Variants in RBFOX1 observed in about 807,000 individuals in gnomAD.
RBFOX1 encodes the protein RNA binding fox-1 homolog 1, also known as RNA binding protein fox-1 homolog 1.
A neutral mutation model predicts 57.7 loss-of-function variants in RBFOX1; 8 were observed. The ratio of observed to expected loss-of-function variants is 0.14; its 90% CI spans 0.08 to 0.25. The LOEUF is 0.25. RBFOX1 is among the 10% of genes least tolerant of loss of function. The pLI is 1.00. For synonymous variants in RBFOX1, 326 were observed against 222.4 expected, an observed-to-expected ratio of 1.47 and a Z score of -4.15; for missense variants, 611 against 548.5, an observed-to-expected ratio of 1.11 and a Z score of -1.14.
intron 3 of RBFOX1, among the ~76,000 whole-genome samples, chr16:6,820,165 A>G (rs1419088659): frequency 2.6e-5 from 4 of 152,166 alleles, no homozygotes; most frequent in Admixed American, 2.0e-4. Context: ...CATATAAGAC[A>G]TACCTTTGCT....
chr16:7,271,837 C>G (rs973080892), intron 4 of RBFOX1, among the ~76,000 whole-genome samples: 2 of 152,000 alleles, frequency 1.3e-5, no homozygotes, highest in Admixed American at 1.3e-4. Context: ...AAAAAAATCT[C>G]AAAGCTATGG....
intron 3 of RBFOX1, among the ~76,000 whole-genome samples, chr16:5,609,388 G>A (rs1449225592): frequency 1.2e-4 from 18 of 152,184 alleles, no homozygotes. Flanking sequence ...AGACAGGAGT[G>A]GAATGTGAAT....
chr16:6,569,482 C>T (rs2097314097), intron 2 of RBFOX1, among the ~76,000 whole-genome samples: 1 of 152,196 alleles, frequency 6.6e-6, no homozygotes, highest in Non-Finnish European at 1.5e-5. Flanking sequence ...ATTGTTGCTT[C>T]CCATAGCTTA....
At chr16:7,042,232 G>C (rs1323931846) in intron 3 of RBFOX1, among the ~76,000 whole-genome samples, 1 of 152,198 alleles carries the variant, frequency 6.6e-6, no homozygotes, top group Non-Finnish European at 1.5e-5. Context: ...TCTTGTCAGG[G>C]CACAGTAGCT....
intron 2 of RBFOX1, among the ~76,000 whole-genome samples, chr16:6,317,527 G>T (rs1230944852): frequency 7.0e-6 from 1 of 143,608 alleles, no homozygotes; most frequent in African/African-American, 2.5e-5. Flanking sequence ...ACATGACTAT[G>T]ATCTGAAAAT....
chr16:6,089,720 G>A (rs2096143336), intron 1 of RBFOX1, among the ~76,000 whole-genome samples: 2 of 152,190 alleles, frequency 1.3e-5, no homozygotes, highest in Admixed American at 6.5e-5. Context: ...GCACAAACGG[G>A]TAAGTCACTG....
intron 1 of RBFOX1, among the ~76,000 whole-genome samples, chr16:5,462,307 T>G (rs886342930): frequency 6.6e-6 from 1 of 151,712 alleles, no homozygotes; most frequent in African/African-American, 2.4e-5. Flanking sequence ...TAGCTGGGAC[T>G]ACAGGGGCCC....
At chr16:6,176,057 C>G (rs564539077) in intron 1 of RBFOX1, among the ~76,000 whole-genome samples, 5 of 152,254 alleles carry the variant, frequency 3.3e-5, no homozygotes, top group Admixed American at 3.3e-4. Flanking sequence ...GGCTGCAAAA[C>G]TATTGGTTTC....
chr16:7,426,670 A>C (rs2149477441), intron 4 of RBFOX1, among the ~76,000 whole-genome samples: 1 of 152,278 alleles, frequency 6.6e-6, no homozygotes, highest in East Asian at 1.9e-4. Flanking sequence ...TGACACAAGA[A>C]GGGGACATGA....
chr16:5,981,658 G>A (rs2060175832), intron 4 of RBFOX1, among the ~76,000 whole-genome samples: 1 of 151,940 alleles, frequency 6.6e-6, no homozygotes, highest in African/African-American at 2.4e-5. Flanking sequence ...TAGTAGAGAT[G>A]GGGTTTCACC....
chr16:5,664,634 T>G (rs911719659), intron 3 of RBFOX1, among the ~76,000 whole-genome samples: 3 of 152,234 alleles, frequency 2.0e-5, no homozygotes, highest in Non-Finnish European at 4.4e-5. Flanking sequence ...CCTAAGGGTT[T>G]ATCCTACTTG....
At chr16:7,551,100 A>AG (rs1428273774) in intron 5 of RBFOX1, among the ~76,000 whole-genome samples, 3 of 151,454 alleles carry the variant, frequency 2.0e-5, no homozygotes, top group South Asian at 2.1e-4. Context: ...AAAAAAAAAA[A>AG]AAAAAGAAAA....
intron 3 of RBFOX1, among the ~76,000 whole-genome samples, chr16:5,654,529 C>T (rs2049359534): frequency 6.6e-6 from 1 of 152,144 alleles, no homozygotes; most frequent in African/African-American, 2.4e-5. Flanking sequence ...GAATCGTCCT[C>T]CAAGACTCCA....
chr16:6,375,194 G>A (rs2091005649), intron 2 of RBFOX1, among the ~76,000 whole-genome samples: 2 of 151,994 alleles, frequency 1.3e-5, no homozygotes, highest in African/African-American at 2.4e-5. Flanking sequence ...ACTGCAAGAG[G>A]GTATTTTCTG....
At chr16:7,473,213 A>G (rs1027462257) in intron 4 of RBFOX1, among the ~76,000 whole-genome samples, 1 of 151,960 alleles carries the variant, frequency 6.6e-6, no homozygotes, top group African/African-American at 2.4e-5. Context: ...CGCCATTTCT[A>G]CTAAAAACAC....
intron 4 of RBFOX1, among the ~76,000 whole-genome samples, chr16:7,128,062 T>A (rs1275881153): frequency 6.6e-6 from 1 of 152,184 alleles, no homozygotes; most frequent in Non-Finnish European, 1.5e-5. Context: ...TCTGGCAAAT[T>A]CTTCCTTAAT....
chr16:6,193,372 ATATACATTATATATATATAC>A (rs1348775763), intron 1 of RBFOX1, among the ~76,000 whole-genome samples: 45 of 102,058 alleles, frequency 4.4e-4, no homozygotes, highest in African/African-American at 1.5e-3. Context: ...ATATATATAT[ATATACATTATATATATATAC>A]TATATATATA....
At chr16:6,361,049 G>C (rs1320733063) in intron 2 of RBFOX1, among the ~76,000 whole-genome samples, 1 of 152,020 alleles carries the variant, frequency 6.6e-6, no homozygotes, top group Non-Finnish European at 1.5e-5. Flanking sequence ...CATTAATCCT[G>C]TTTGTCTAAA....
intron 3 of RBFOX1, among the ~76,000 whole-genome samples, chr16:6,774,718 A>G (rs1294449694): frequency 6.6e-6 from 1 of 151,646 alleles, no homozygotes; most frequent in Non-Finnish European, 1.5e-5. Context: ...TAATTTTATA[A>G]TACTAATTAT....
Sources: gnomAD v4.1 joint callset for allele counts (sites outside exome capture counted in the v4.1 genomes callset) on GRCh38, gnomAD v4.1.1 for gene constraint, MANE v1.5 for transcripts, NCBI Gene and HGNC (gene_info 2026-07-23, HGNC 2026-07-21) for gene names.